Variants in GRIK1 observed in about 807,000 individuals in gnomAD.
GRIK1 encodes the protein glutamate receptor ionotropic, kainate 1.
In GRIK1, 69 loss-of-function variants were observed where a neutral mutation model predicts 105.7. The observed-to-expected ratio is 0.65, with a 90% CI of 0.54 to 0.80. GRIK1 has a LOEUF of 0.80. Ranked by LOEUF, GRIK1 falls within the 30% of genes least tolerant of loss-of-function variation. GRIK1 has a pLI of 0.00. For synonymous variants in GRIK1, 438 were observed against 431.3 expected, an observed-to-expected ratio of 1.02 and a Z score of -0.19; for missense variants, 1,109 against 1,167.3, an observed-to-expected ratio of 0.95 and a Z score of 0.73.
At chr21:29,834,801 T>A (rs2067738591) in intron 1 of GRIK1, among the ~76,000 whole-genome samples, 1 of 150,448 alleles carries the variant, frequency 6.6e-6, no homozygotes, top group Non-Finnish European at 1.5e-5. Flanking sequence ...AATGATTTTA[T>A]TTATTCAATA....
intron 7 of GRIK1, among the ~76,000 whole-genome samples, chr21:29,612,013 C>T (rs1254452716): frequency 6.6e-6 from 1 of 152,148 alleles, no homozygotes; most frequent in East Asian, 1.9e-4. Context: ...TTCTCTGGTT[C>T]ACCTAGCATG....
intron 15 of GRIK1, among the ~76,000 whole-genome samples, chr21:29,559,887 T>A (rs2090348760): frequency 6.6e-6 from 1 of 152,244 alleles, no homozygotes; most frequent in Non-Finnish European, 1.5e-5. Flanking sequence ...ACTCTCTGAC[T>A]TGAAAGGCAG....
At chr21:29,648,359 C>T (rs1056034441) in intron 6 of GRIK1, among the ~76,000 whole-genome samples, 18 of 152,094 alleles carry the variant, frequency 1.2e-4, no homozygotes, top group Non-Finnish European at 2.1e-4. Context: ...TAAAAAAACA[C>T]TATTATTTTA....
intron 4 of GRIK1, among the ~76,000 whole-genome samples, chr21:29,669,869 ATC>A (rs2063131127): frequency 6.6e-6 from 1 of 152,114 alleles, no homozygotes; most frequent in East Asian, 1.9e-4. Context: ...TCCCTAGGGA[ATC>A]TCTTAGCAGA....
chr21:29,574,749 G>A (rs1035725664), intron 14 of GRIK1, among the ~76,000 whole-genome samples: 2 of 144,046 alleles, frequency 1.4e-5, no homozygotes, highest in Admixed American at 1.4e-4. Context: ...GTGCAGTGGC[G>A]CAATCTCGGC....
At chr21:29,771,037 A>G (rs75464037) in intron 1 of GRIK1, among the ~76,000 whole-genome samples, 1,623 of 152,354 alleles carry the variant, frequency 0.011, 23 homozygotes, top group African/African-American at 0.037. Context: ...TGTGGTTTCT[A>G]TTATAATTGG....
intron 12 of GRIK1, among the ~76,000 whole-genome samples, chr21:29,586,843 A>G (rs1321961231): frequency 1.3e-5 from 2 of 152,184 alleles, no homozygotes; most frequent in Non-Finnish European, 2.9e-5. Context: ...TATTTCTAGA[A>G]TTCTCTTTAA....
intron 7 of GRIK1, among the ~76,000 whole-genome samples, chr21:29,609,173 A>C (rs2061679049): frequency 6.6e-6 from 1 of 151,120 alleles, no homozygotes; most frequent in Non-Finnish European, 1.5e-5. Context: ...AATAAGATAT[A>C]GCTTTACATA....
chr21:29,648,569 C>T (rs1490171931), intron 6 of GRIK1, among the ~76,000 whole-genome samples: 3 of 152,252 alleles, frequency 2.0e-5, no homozygotes, highest in East Asian at 3.9e-4. Context: ...GTACTTCGCA[C>T]TGGGCCTTTT....
intron 1 of GRIK1, among the ~76,000 whole-genome samples, chr21:29,766,921 C>T (rs910660785): frequency 4.6e-5 from 7 of 152,226 alleles, no homozygotes; most frequent in East Asian, 3.8e-4. Flanking sequence ...GCATGAAAGG[C>T]TCTGTTATGG....
chr21:29,545,636 T>A (rs187993933), intron 16 of GRIK1, among the ~76,000 whole-genome samples: 1 of 152,240 alleles, frequency 6.6e-6, no homozygotes, highest in Admixed American at 6.5e-5. Context: ...AGTGCACGTA[T>A]GCACTACACG....
intron 1 of GRIK1, among the ~76,000 whole-genome samples, chr21:29,774,608 T>A (rs1383483841): frequency 6.6e-6 from 1 of 152,076 alleles, no homozygotes; most frequent in Non-Finnish European, 1.5e-5. Context: ...CCTGCTACCA[T>A]GACTGGCTAA....
intron 1 of GRIK1, among the ~76,000 whole-genome samples, chr21:29,838,320 G>A (rs1253606334): frequency 6.6e-6 from 1 of 151,820 alleles, no homozygotes; most frequent in Non-Finnish European, 1.5e-5. Flanking sequence ...ACTATGAAGA[G>A]TACTAAAGCT....
At chr21:29,856,975 T>C (rs1569164077) in intron 1 of GRIK1, among the ~76,000 whole-genome samples, 2 of 152,120 alleles carry the variant, frequency 1.3e-5, no homozygotes, top group Non-Finnish European at 2.9e-5. Flanking sequence ...GGGAGATTAT[T>C]ATGAGATGAG....
intron 1 of GRIK1, among the ~76,000 whole-genome samples, chr21:29,781,874 G>T (rs1247782661): frequency 6.7e-6 from 1 of 149,534 alleles, no homozygotes; most frequent in Non-Finnish European, 1.5e-5. Context: ...GTTTCACCTT[G>T]TTAGCCAGGA....
At chr21:29,861,565 C>T (rs1239883246) in intron 1 of GRIK1, 1 of 221,386 alleles carries the variant, frequency 4.5e-6, no homozygotes. Flanking sequence ...TCTTCGGCCT[C>T]CCAAAGTGTG....
intron 1 of GRIK1, among the ~76,000 whole-genome samples, chr21:29,915,826 G>A (rs1382263126): frequency 6.6e-6 from 1 of 151,898 alleles, no homozygotes; most frequent in Non-Finnish European, 1.5e-5. Flanking sequence ...CAAAAACCTA[G>A]CACAAAATTG....
chr21:29,790,966 T>C (rs919682334), intron 1 of GRIK1, among the ~76,000 whole-genome samples: 1 of 152,138 alleles, frequency 6.6e-6, no homozygotes, highest in African/African-American at 2.4e-5. Context: ...AATAGAAAGA[T>C]GCTTGGGAAG....
At chr21:29,737,433 C>T (rs772954472) in intron 1 of GRIK1, among the ~76,000 whole-genome samples, 1 of 152,106 alleles carries the variant, frequency 6.6e-6, no homozygotes, top group African/African-American at 2.4e-5. Flanking sequence ...CAGAATGAAA[C>T]GACTGAGGAG....
Sources: allele counts gnomAD v4.1 joint callset (sites outside exome capture counted in the v4.1 genomes callset), GRCh38; gene constraint gnomAD v4.1.1; transcripts MANE v1.5; gene names NCBI Gene and HGNC (gene_info 2026-07-23, HGNC 2026-07-21).